Variants in C16orf78 observed in about 807,000 individuals in gnomAD.
The protein encoded by C16orf78 is uncharacterized protein C16orf78.
In C16orf78, 19 loss-of-function variants were observed where a neutral mutation model predicts 27.3. That is an observed-to-expected ratio of 0.70 (90% CI 0.49 to 1.02). C16orf78 has a LOEUF of 1.02. Among genes scored for constraint, C16orf78 ranks in the 50% least tolerant of loss-of-function variants. C16orf78 has a pLI of 0.00. For synonymous variants in C16orf78, 130 were observed against 116.1 expected (o/e 1.12, Z -0.77); for missense variants, 339 against 337.0 (o/e 1.01, Z -0.05).
At chr16:49,399,085 C>G in intron 4 of C16orf78, 46 bp from the exon 5 acceptor site, 1 of 1,595,400 alleles carries the variant, frequency 6.3e-7, no homozygotes, top group African/African-American at 1.3e-5. Flanking sequence ...TTAGAAGCTG[C>G]TGTGACTCCA....
rs188780400 is a variant in C16orf78 at position 49,396,378 on chromosome 16, C to T, written c.395-45C>T. On this transcript the variant is annotated intron_variant, in intron 3 of 4. Transcript: ENST00000299191. ...CCCTTCCTGCCTACCCCACCTCTCA[C>T]GTCTCCCACGGTCTAACTCTTTGAT... 3.5e-5 allele frequency: 56 copies of T among 1,601,496 alleles called. No homozygotes were observed. In the East Asian group the frequency reaches 8.0e-4, roughly 23 times the overall value.
chr16:49,381,698 T>A (rs963114535), intron 3 of C16orf78, among the ~76,000 whole-genome samples: 19 of 150,230 alleles, frequency 1.3e-4, no homozygotes, highest in African/African-American at 4.4e-4. Flanking sequence ...GAAATGCAAA[T>A]CAAAACCACA....
chr16:49,391,182 A>G (rs1008555787), intron 3 of C16orf78, among the ~76,000 whole-genome samples: 3 of 152,212 alleles, frequency 2.0e-5, no homozygotes, highest in African/African-American at 4.8e-5. Context: ...TAAATTTTAG[A>G]AAGGTTGCTC....
chr16:49,379,734 G>T (rs916689596), intron 3 of C16orf78, among the ~76,000 whole-genome samples: 29 of 152,206 alleles, frequency 1.9e-4, no homozygotes, highest in Admixed American at 1.7e-3. Context: ...TAACATTAAG[G>T]GAAAATGGAT....
intron 3 of C16orf78, among the ~76,000 whole-genome samples, chr16:49,392,988 C>T (rs1278097913): frequency 6.6e-6 from 1 of 152,168 alleles, no homozygotes; most frequent in Admixed American, 6.5e-5. Flanking sequence ...AATGGGAGTT[C>T]CCCTGCACAA....
At chr16:49,377,298 G>A (rs1486229671) in intron 1 of C16orf78, among the ~76,000 whole-genome samples, 1 of 152,152 alleles carries the variant, frequency 6.6e-6, no homozygotes, top group African/African-American at 2.4e-5. Context: ...GGAGAGGCCG[G>A]GGTGAGCAAA....
At chr16:49,377,709 C>T (rs369939494) in intron 1 of C16orf78, 22 bp from the exon 2 acceptor site, 139 of 1,597,274 alleles carry the variant, frequency 8.7e-5, no homozygotes, top group Admixed American at 3.3e-4. Context: ...GGCTGCAGGG[C>T]TCTCTTCCCT....
chr16:49,399,418 CG>C lies in C16orf78; in HGVS notation c.*142del. On this transcript the variant is annotated 3_prime_UTR_variant, in exon 5 of 5. Transcript: ENST00000299191. ...AAGTAAGCAATCAGAAAACAAGCCT[CG>C]GCTGTGTGATCATTGTGCTTCCGTA... 9.8e-7 allele frequency: 1 copy of C among 1,022,450 alleles called. No homozygotes were observed. Among genetic ancestry groups the C allele is most frequent in the Non-Finnish European group, 1.4e-6 (1 of 712,522 alleles). The allele number at this position is 1,022,450 out of a possible 1,614,324, so 63.3% of individuals were successfully genotyped here.
intron 3 of C16orf78, among the ~76,000 whole-genome samples, chr16:49,387,923 T>C (rs977344270): frequency 6.6e-6 from 1 of 152,166 alleles, no homozygotes; most frequent in Non-Finnish European, 1.5e-5. Flanking sequence ...TTTAATTATG[T>C]CTATTTGGAT....
At chr16:49,382,038 G>A (rs1259135829) in intron 3 of C16orf78, among the ~76,000 whole-genome samples, 2 of 152,092 alleles carry the variant, frequency 1.3e-5, no homozygotes, top group African/African-American at 4.8e-5. Context: ...TGATAGACTG[G>A]ATTAAGAAAA....
chr16:49,389,213 A>G (rs1265910558), intron 3 of C16orf78, among the ~76,000 whole-genome samples: 1 of 152,144 alleles, frequency 6.6e-6, no homozygotes, highest in African/African-American at 2.4e-5. Flanking sequence ...ACTTGAGGTT[A>G]GGAGTTCGAG....
chr16:49,398,212 C>G (rs1965497582), intron 4 of C16orf78, among the ~76,000 whole-genome samples: 1 of 152,176 alleles, frequency 6.6e-6, no homozygotes, highest in African/African-American at 2.4e-5. Context: ...TCTTAAAGAA[C>G]AGTGGCCATT....
intron 3 of C16orf78, among the ~76,000 whole-genome samples, chr16:49,385,700 G>A (rs152647): frequency 0.4 from 60,572 of 149,940 alleles, 14,618 homozygotes; most frequent in African/African-American, 0.68. Flanking sequence ...GGTAACCACA[G>A]AAAACAAACC....
intron 2 of C16orf78, 105 bp from the exon 3 acceptor site, chr16:49,378,365 C>T: frequency 6.8e-7 from 1 of 1,472,160 alleles, no homozygotes; most frequent in Non-Finnish European, 9.0e-7. Context: ...TTGCCTTTGC[C>T]TGCCTTTTGG....
chr16:49,388,501 C>T (rs1289367455), intron 3 of C16orf78, among the ~76,000 whole-genome samples: 1 of 152,088 alleles, frequency 6.6e-6, no homozygotes, highest in African/African-American at 2.4e-5. Context: ...TATTTAATTT[C>T]CATGAAATCG....
At chr16:49,397,211 T>C (rs911856786) in intron 4 of C16orf78, among the ~76,000 whole-genome samples, 3 of 152,226 alleles carry the variant, frequency 2.0e-5, no homozygotes, top group African/African-American at 7.2e-5. Flanking sequence ...CAGGGCTCTC[T>C]GGTTTTCAGC....
chr16:49,378,517 C>G lies in C16orf78; in HGVS notation c.318C>G (p.Leu106=). The G allele has an allele frequency of 6.2e-7, 1 of 1,610,868 alleles. No homozygotes were observed. ...AGGACGCCGCCTCCTACCGAAGCCT[C>G]TATGGAGTGGAGCAAAAGGGGAAAC... ...FRKDAASYRS[L]YGVEQKGKHL... is the part of the protein sequence containing the mutation. Residue 106 remains leucine, a synonymous_variant, in exon 3 of 5, where the codon CTC becomes CTG. Transcript: ENST00000299191.
chr16:49,383,887 C>G (rs1006372727), intron 3 of C16orf78, among the ~76,000 whole-genome samples: 29 of 152,092 alleles, frequency 1.9e-4, no homozygotes, highest in Admixed American at 3.3e-4. Flanking sequence ...AATAAAGCTC[C>G]AATAACTGAT....
At chr16:49,383,483 T>C (rs1273410482) in intron 3 of C16orf78, among the ~76,000 whole-genome samples, 3 of 152,232 alleles carry the variant, frequency 2.0e-5, no homozygotes, top group Non-Finnish European at 2.9e-5. Flanking sequence ...TGTCAGAGTC[T>C]ATCCTACCAC....
Sources: allele counts gnomAD v4.1 joint callset (sites outside exome capture counted in the v4.1 genomes callset), GRCh38; gene constraint gnomAD v4.1.1; transcripts MANE v1.5; gene names NCBI Gene and HGNC (gene_info 2026-07-23, HGNC 2026-07-21).